TNNT1: variants seen among roughly 807,000 people sequenced by gnomAD.
The protein encoded by TNNT1 is troponin T1, slow skeletal type.
A neutral mutation model predicts 50.6 loss-of-function variants in TNNT1; 53 were observed. That is an observed-to-expected ratio of 1.05 (90% CI 0.84 to 1.32). The LOEUF is 1.32. Ranked by LOEUF, TNNT1 falls within the 40% of genes most tolerant of loss-of-function variation. TNNT1 has a pLI of 0.00. For synonymous variants in TNNT1, 142 were observed against 138.0 expected (o/e 1.03, Z -0.20); for missense variants, 348 against 381.7 (o/e 0.91, Z 0.74).
chr19:55,147,947 C>T (rs1030464919), intron 1 of TNNT1: 6 of 157,208 alleles, frequency 3.8e-5, no homozygotes, highest in African/African-American at 9.7e-5. Context: ...GGTCTGGACT[C>T]TTGGGTCTGA....
Position 55,133,931 on chromosome 19 carries a change from C to A in TNNT1, c.751-4G>T, listed in dbSNP as rs759088786. ...TGCGGTTGTACAGCACGTTGATCTG[C>A]GGAGGCAGAAGACAGATGCTGGGAC... On this transcript the variant is annotated splice_region_variant and splice_polypyrimidine_tract_variant and intron_variant, in intron 12 of 13. Transcript: ENST00000588981. 1 of 1,613,176 alleles carries A rather than the reference C, an allele frequency of 6.2e-7. No individual in the cohort carries two copies. The highest frequency in any genetic ancestry group is 1.3e-5 in the African/African-American group (1 of 74,546).
chr19:55,146,507 AG>A (rs761399518), intron 4 of TNNT1, 41 bp from the exon 5 acceptor site: 203 of 691,352 alleles, frequency 2.9e-4, no homozygotes, highest in Non-Finnish European at 3.4e-4. Context: ...TTGGGGAGCG[AG>A]GGGGGAGCGG....
intron 6 of TNNT1, 109 bp downstream of exon 6, chr19:55,145,435 G>A (rs2085531015): frequency 2.8e-6 from 3 of 1,057,234 alleles, no homozygotes; most frequent in East Asian, 2.6e-5. Flanking sequence ...GTCGACTGCT[G>A]TTTCAATTTC....
At chr19:55,148,406 T>G (rs192408754) in intron 1 of TNNT1, among the ~76,000 whole-genome samples, 2 of 152,094 alleles carry the variant, frequency 1.3e-5, no homozygotes, top group South Asian at 2.1e-4. Context: ...CCCTACATTC[T>G]TAGACCTCAA....
chr19:55,145,683 G>A, intron 5 of TNNT1, 118 bp from the exon 6 acceptor site: 2 of 1,040,248 alleles, frequency 1.9e-6, no homozygotes, highest in Non-Finnish European at 1.5e-6. Flanking sequence ...CCCAGGGAAG[G>A]ACTCTGGAGT....
intron 6 of TNNT1, among the ~76,000 whole-genome samples, chr19:55,142,546 ATT>A (rs112126041): frequency 5.4e-4 from 75 of 138,550 alleles, no homozygotes; most frequent in African/African-American, 1.2e-3. Flanking sequence ...CCTAGTAAGA[ATT>A]TTTTTTTTTT....
intron 10 of TNNT1, 127 bp from the exon 11 acceptor site, chr19:55,137,339 C>G: frequency 1.5e-6 from 1 of 680,302 alleles, no homozygotes; most frequent in Non-Finnish European, 2.6e-6. Flanking sequence ...CACCCCAGGC[C>G]CATCTCCTTC....
In TNNT1 at chr19:55,147,193, A is replaced by C. The variant is rs202110665; in HGVS notation, c.-11-25T>G. On this transcript the variant is annotated intron_variant, in intron 1 of 13. Coordinates refer to ENST00000588981, the MANE Select transcript of TNNT1 (RefSeq NM_003283.6). ...CCTAAGGACCAGAGAGAAGAGGCCCAGTGGGGTGGGGCCCCAAGGAGGGGG... is the reference window on the plus strand; with the variant it reads ...CCTAAGGACCAGAGAGAAGAGGCCCCGTGGGGTGGGGCCCCAAGGAGGGGG... The C allele has an allele frequency of 2.4e-5, 39 of 1,611,000 alleles. No homozygotes were observed. The Admixed American group carries it at 2.8e-4, about 12-fold the overall frequency.
Position 55,147,001 on chromosome 19 carries a change from T to C in TNNT1, c.46+7A>G. 1 of 1,608,386 alleles carries C rather than the reference T, an allele frequency of 6.2e-7. No homozygotes were observed. The highest frequency in any genetic ancestry group is 8.5e-7 in the Non-Finnish European group (1 of 1,177,744). ...CATCCCATAGGGCCGGCCCACTCCC[T>C]ACTCACCTTCCGGCTGCTCCCTGCG... On this transcript the variant is annotated splice_region_variant and intron_variant, in intron 3 of 13. Coordinates refer to ENST00000588981, the MANE Select transcript of TNNT1 (RefSeq NM_003283.6).
intron 8 of TNNT1, 106 bp downstream of exon 8, chr19:55,141,080 A>G (rs912213347): frequency 6.7e-7 from 1 of 1,481,758 alleles, no homozygotes; most frequent in African/African-American, 1.4e-5. Context: ...CGAAAGCCTA[A>G]GGCTCAGCTC....
chr19:55,141,846 T>C lies in TNNT1; in HGVS notation c.192+11A>G, dbSNP rs2085461984. The C allele has an allele frequency of 1.3e-5, 21 of 1,613,784 alleles. No homozygotes were observed. Among genetic ancestry groups the C allele is most frequent in the Admixed American group, 1.7e-5 (1 of 60,002 alleles). ...GCAACTGCGCCTGCGGAGGGGTCTC[T>C]TGTCACTTACATCGAAGTCAACGCG... On this transcript the variant is annotated intron_variant, in intron 7 of 13. Transcript: ENST00000588981.
intron 5 of TNNT1, among the ~76,000 whole-genome samples, chr19:55,146,033 C>T (rs1476656582): frequency 6.6e-6 from 1 of 150,562 alleles, no homozygotes; most frequent in African/African-American, 2.4e-5. Flanking sequence ...TGACTCCCAG[C>T]GCTCGCCTCC....
At chr19:55,141,784 C>T in intron 7 of TNNT1, 73 bp downstream of exon 7, 2 of 1,576,710 alleles carry the variant, frequency 1.3e-6, no homozygotes, top group Non-Finnish European at 1.7e-6. Context: ...CCGGCCGGCG[C>T]CTTTTCATGA....
chr19:55,145,522 C>T (rs2085532812), intron 6 of TNNT1, 22 bp downstream of exon 6: 3 of 1,613,146 alleles, frequency 1.9e-6, no homozygotes, highest in Non-Finnish European at 2.5e-6. Context: ...TGACTGGGGC[C>T]CCCCACCCTG....
chr19:55,141,440 G>A (rs552535893), intron 7 of TNNT1, 138 bp from the exon 8 acceptor site: 1 of 720,652 alleles, frequency 1.4e-6, no homozygotes, highest in African/African-American at 1.7e-5. Context: ...CCTCGTGTTT[G>A]ACACTAATCA....
chr19:55,142,937 G>T (rs1482421500), intron 6 of TNNT1, among the ~76,000 whole-genome samples: 1 of 151,568 alleles, frequency 6.6e-6, no homozygotes, highest in African/African-American at 2.4e-5. Context: ...GCCAAGGTGG[G>T]CGAATCACTT....
intron 9 of TNNT1, among the ~76,000 whole-genome samples, chr19:55,138,929 G>A (rs867001872): frequency 1.3e-5 from 2 of 152,172 alleles, no homozygotes; most frequent in African/African-American, 2.4e-5. Flanking sequence ...GTTTGTCCAG[G>A]CTGAGCCCCG....
intron 13 of TNNT1, chr19:55,133,653 G>T (rs1397933081): frequency 1.7e-6 from 1 of 586,312 alleles, no homozygotes; most frequent in African/African-American, 1.9e-5. Flanking sequence ...ACTCCAGCCT[G>T]GGTGACAGAG....
rs1239207925 is a variant in TNNT1 at position 55,140,313 on chromosome 19, A to G, written c.387+570T>C. On this transcript the variant is annotated intron_variant, in intron 9 of 13. Transcript: ENST00000588981. The stretch of plus-strand genomic sequence containing the variant: ...TGTCTCTACAAAAAATAAAAAAATA[A>G]AAAAAACTAGTGGGGCAGAGTGGCG... Among the ~76,000 whole-genome samples, 7 of 151,902 alleles carry G rather than the reference A, an allele frequency of 4.6e-5. No homozygotes were observed. In the East Asian group the frequency reaches 1.4e-3, roughly 29 times the overall value.
Sources: gnomAD v4.1 joint callset for allele counts (sites outside exome capture counted in the v4.1 genomes callset) on GRCh38, gnomAD v4.1.1 for gene constraint, MANE v1.5 for transcripts, NCBI Gene and HGNC (gene_info 2026-07-23, HGNC 2026-07-21) for gene names.